The following SLC38A4 variants were observed in gnomAD, a reference collection of about 807,000 sequenced individuals.
SLC38A4 encodes the protein solute carrier family 38 member 4, also known as sodium-coupled neutral amino acid transporter 4.
In SLC38A4, 20 loss-of-function variants were observed where a neutral mutation model predicts 63.1. The observed-to-expected ratio is 0.32, with a 90% CI of 0.22 to 0.46. The LOEUF (loss-of-function observed/expected upper bound fraction) is 0.46. Ranked by LOEUF, SLC38A4 falls within the 20% of genes least tolerant of loss-of-function variation. SLC38A4 has a pLI of 1.00. For missense variants in SLC38A4, 526 were observed against 663.6 expected, an observed-to-expected ratio of 0.79 and a Z score of 2.28; for synonymous variants, 230 against 225.5, an observed-to-expected ratio of 1.02 and a Z score of -0.18.
chr12:46,810,694 C>A (rs964474332), intron 1 of SLC38A4, among the ~76,000 whole-genome samples: 1 of 151,406 alleles, frequency 6.6e-6, no homozygotes, highest in Non-Finnish European at 1.5e-5. Context: ...TTATATTTGC[C>A]GGCTAACCTT....
chr12:46,778,224 G>T, intron 12 of SLC38A4, 65 bp downstream of exon 12: 1 of 1,472,844 alleles, frequency 6.8e-7, no homozygotes, highest in Non-Finnish European at 9.5e-7. Flanking sequence ...TCCTGTTAAA[G>T]AATCTTTGAA....
At chr12:46,769,152 C>T (rs762364961) in intron 15 of SLC38A4, 132 bp downstream of exon 15, 6 of 974,770 alleles carry the variant, frequency 6.2e-6, no homozygotes, top group Non-Finnish European at 9.1e-6. Flanking sequence ...TCACCAGAGC[C>T]TCTCAGGGAT....
At chr12:46,780,068 G>A in intron 7 of SLC38A4, 38 bp from the exon 8 acceptor site, 1 of 1,482,446 alleles carries the variant, frequency 6.7e-7, no homozygotes, top group Non-Finnish European at 9.4e-7. Context: ...GGTGTGGACA[G>A]TACTGAAGTC....
intron 3 of SLC38A4, among the ~76,000 whole-genome samples, chr12:46,789,935 G>A (rs530773899): frequency 6.6e-5 from 10 of 152,078 alleles, no homozygotes; most frequent in African/African-American, 2.2e-4. Flanking sequence ...AAAGTTAGCC[G>A]AGTGTGGTGG....
chr12:46,829,363 G>A (rs1389424085), upstream of SLC38A4, among the ~76,000 whole-genome samples: 2 of 150,904 alleles, frequency 1.3e-5, no homozygotes, highest in African/African-American at 4.9e-5. Flanking sequence ...TAATCATTTT[G>A]ATATATTATT....
rs572548222 is a variant in SLC38A4, at chr12:46,785,494, A to C, written c.327-317T>G. 2.6e-5 allele frequency among the ~76,000 whole-genome samples: 4 copies of C among 152,240 alleles called. No homozygotes were observed. In the South Asian group the frequency reaches 6.2e-4, roughly 24 times the overall value. ...AATGCTACATCTACTTACTCAGCAC[A>C]TGGGAATATGTACATCATATTTGCA... On this transcript the variant is annotated intron_variant, in intron 5 of 16. Coordinates refer to ENST00000266579, the MANE Select transcript of SLC38A4 (RefSeq NM_018018.5).
At chr12:46,786,877 A>C (rs540453978) in intron 5 of SLC38A4, among the ~76,000 whole-genome samples, 1 of 152,200 alleles carries the variant, frequency 6.6e-6, no homozygotes, top group Non-Finnish European at 1.5e-5. Flanking sequence ...TATTTGTGAT[A>C]TAAATGTTGC....
At chr12:46,821,374 A>G (rs534049765) in intron 1 of SLC38A4, among the ~76,000 whole-genome samples, 1 of 152,170 alleles carries the variant, frequency 6.6e-6, no homozygotes, top group South Asian at 2.1e-4. Context: ...ATTCTTTTGC[A>G]TGTGGATATA....
chr12:46,801,077 C>G (rs1451918613), intron 2 of SLC38A4, among the ~76,000 whole-genome samples: 2 of 152,136 alleles, frequency 1.3e-5, no homozygotes, highest in Non-Finnish European at 2.9e-5. Context: ...ACTGGATTTT[C>G]TAGCACAGCA....
intron 2 of SLC38A4, among the ~76,000 whole-genome samples, chr12:46,797,081 T>C (rs888104374): frequency 1.3e-5 from 2 of 152,170 alleles, no homozygotes; most frequent in Non-Finnish European, 2.9e-5. Flanking sequence ...TTTAAAAATA[T>C]GTGACATTTC....
At position 46,791,460 on chromosome 12, in the gene SLC38A4, C is replaced by A. The variant is rs567036481; in HGVS notation, c.119+1493G>T. ...AGTCCGACATCCCTAAAGTTCATTGCACTGAGCTACTTGAAGGAAGAACGG... is the reference window on the plus strand; with the variant it reads ...AGTCCGACATCCCTAAAGTTCATTGAACTGAGCTACTTGAAGGAAGAACGG... On this transcript the variant is annotated intron_variant, in intron 3 of 16. Transcript: ENST00000266579. 1.1e-4 allele frequency among the ~76,000 whole-genome samples: 17 copies of A among 152,246 alleles called. No homozygotes were observed. The South Asian group carries it at 3.5e-3, about 32-fold the overall frequency.
rs533621224 is a variant in SLC38A4, at chr12:46,781,051, G to A, written c.494-1021C>T. Among the ~76,000 whole-genome samples, 315 of 152,126 alleles carry A rather than the reference G, an allele frequency of 2.1e-3. 1 individual carries two copies. Among genetic ancestry groups the A allele is most frequent in the African/African-American group, 7.3e-3 (304 of 41,532 alleles). On this transcript the variant is annotated intron_variant, in intron 7 of 16. Transcript: ENST00000266579. ...AATATTTTCTTCACTTCATATGAAAGTAACAGTGATGATAATAATTCCCCA... is the reference window on the plus strand; with the variant it reads ...AATATTTTCTTCACTTCATATGAAAATAACAGTGATGATAATAATTCCCCA...
Position 46,814,082 on chromosome 12 carries a change from G to A in SLC38A4, c.-304-10288C>T, listed in dbSNP as rs374974280. ...AAGGTTATTGTGAGGGTTAAATGAT[G>A]TATTGGATATACAGCATTATAAACA... On this transcript the variant is annotated intron_variant, in intron 1 of 16. Coordinates refer to ENST00000266579, the MANE Select transcript of SLC38A4 (RefSeq NM_018018.5). 1.6e-3 allele frequency among the ~76,000 whole-genome samples: 240 copies of A among 152,106 alleles called. 3 individuals carry two copies. In the South Asian group the frequency reaches 0.044, roughly 28 times the overall value.
rs1407806028 is a variant in SLC38A4, at chr12:46,787,962, G to A, written c.280C>T (p.Leu94=). The A allele has an allele frequency of 6.2e-7, 1 of 1,613,842 alleles. No individual in the cohort carries two copies. Among genetic ancestry groups the A allele is most frequent in the South Asian group, 1.1e-5 (1 of 91,068 alleles). The part of the protein sequence containing the change: ...LSNAIMGSGI[L]GLSYAMANTG... The stretch of plus-strand genomic sequence containing the variant: ...TTGGCCATGGCATAGGACAAGCCCA[G>A]GATCCCACTGCCCATGATGGCATTA... Residue 94 remains leucine (L), a synonymous_variant, in exon 5 of 17, where the codon CTG becomes TTG. Transcript: ENST00000266579.
chr12:46,787,109 C>T (rs1011547506), intron 5 of SLC38A4, among the ~76,000 whole-genome samples: 3 of 152,292 alleles, frequency 2.0e-5, no homozygotes, highest in Admixed American at 6.5e-5. Context: ...TGCTGCTACC[C>T]TTAGGCAGCA....
intron 10 of SLC38A4, among the ~76,000 whole-genome samples, chr12:46,779,003 A>G (rs1430926847): frequency 2.0e-5 from 3 of 151,966 alleles, no homozygotes; most frequent in Non-Finnish European, 2.9e-5. Flanking sequence ...ATATTTTGCA[A>G]GAATCCTTCC....
Position 46,793,176 on chromosome 12 carries a change from A to T in SLC38A4, c.-105T>A. On this transcript the variant is annotated 5_prime_UTR_variant, in exon 3 of 17. Transcript: ENST00000266579. ...TCCACTTTGTGTTGATGTTCAGAAC[A>T]CTCTGTTCTGCAAACAGAACACAAC... is the stretch of plus-strand genomic sequence containing the variant. 1 of 751,932 alleles carries T rather than the reference A, an allele frequency of 1.3e-6. No individual in the cohort carries two copies. Among genetic ancestry groups the T allele is most frequent in the Non-Finnish European group, 2.3e-6 (1 of 429,426 alleles). 46.6% of individuals were successfully genotyped at this position (751,932 alleles called of 1,614,324 possible). A position where few individuals can be genotyped will look rare whatever the true frequency, so the allele number is the denominator to read the frequency against.
chr12:46,804,679 A>C (rs1235868094), intron 1 of SLC38A4, among the ~76,000 whole-genome samples: 1 of 151,772 alleles, frequency 6.6e-6, no homozygotes, highest in Non-Finnish European at 1.5e-5. Context: ...GTAGTTAACA[A>C]TTTTTTTTCC....
At chr12:46,807,165 A>G (rs1471556450) in intron 1 of SLC38A4, among the ~76,000 whole-genome samples, 1 of 152,048 alleles carries the variant, frequency 6.6e-6, no homozygotes, top group Non-Finnish European at 1.5e-5. Context: ...ATTTAGAAAC[A>G]GTAATGACTA....
Sources: gnomAD v4.1 joint callset for allele counts (sites outside exome capture counted in the v4.1 genomes callset) on GRCh38, gnomAD v4.1.1 for gene constraint, MANE v1.5 for transcripts, NCBI Gene and HGNC (gene_info 2026-07-23, HGNC 2026-07-21) for gene names.